The following SNAI2 variants were observed in gnomAD, a reference collection of about 807,000 sequenced individuals.
SNAI2 encodes the protein snail family transcriptional repressor 2.
In SNAI2, 2 loss-of-function variants were observed where a neutral mutation model predicts 22.4. The observed-to-expected ratio is 0.09, with a 90% CI of 0.04 to 0.28. The LOEUF (loss-of-function observed/expected upper bound fraction) is 0.28. SNAI2 is among the 10% of genes least tolerant of loss of function. The pLI is 1.00. For synonymous variants in SNAI2, 134 were observed against 123.0 expected, an observed-to-expected ratio of 1.09 and a Z score of -0.59; for missense variants, 239 against 320.8, an observed-to-expected ratio of 0.75 and a Z score of 1.95.
rs778082305 is a variant in SNAI2 at position 48,918,708 on chromosome 8, G to T, written c.*99C>A. 1.9e-5 allele frequency: 21 copies of T among 1,109,406 alleles called. No homozygotes were observed. The highest frequency in any genetic ancestry group is 8.6e-5 in the Admixed American group (5 of 58,358). The allele number at this position is 1,109,406 out of a possible 1,614,324, so 68.7% of individuals were successfully genotyped here. ...GTGTGTGTGTCTATACATATTATTT[G>T]GTTGGTCAGCACAGGAGAAAATGCC... On this transcript the variant is annotated 3_prime_UTR_variant, in exon 3 of 3. Coordinates refer to ENST00000020945, the MANE Select transcript of SNAI2 (RefSeq NM_003068.5).
chr8:48,919,891 C>A lies in SNAI2; in HGVS notation c.625+5G>T, dbSNP rs1454909580. 1.9e-6 allele frequency: 3 copies of A among 1,613,442 alleles called. No individual in the cohort carries two copies. Among genetic ancestry groups the A allele is most frequent in the South Asian group, 1.1e-5 (1 of 91,026 alleles). Reference sequence around the variant, plus strand: ...TAACATTCCTGCCTATGGTTTTTCTCTTACCCGTGTGAGTTCTAATGTGTC... The same window carrying A: ...TAACATTCCTGCCTATGGTTTTTCTATTACCCGTGTGAGTTCTAATGTGTC... On this transcript the variant is annotated splice_donor_5th_base_variant and intron_variant, in intron 2 of 2. Transcript: ENST00000020945.
Position 48,921,183 on chromosome 8 carries a change from T to C in SNAI2, c.79+4A>G, listed in dbSNP as rs1357364552. On this transcript the variant is annotated splice_donor_region_variant and intron_variant, in intron 1 of 2. Coordinates refer to ENST00000020945, the MANE Select transcript of SNAI2 (RefSeq NM_003068.5). ...TAGTTCTAGATATATTTTTCTCTTT[T>C]TACCTGTATGTGTGTCCAGTTCGCT... 1.9e-6 allele frequency: 3 copies of C among 1,607,166 alleles called. No homozygotes were observed. The Admixed American group carries it at 5.0e-5, about 27-fold the overall frequency.
In SNAI2 at chr8:48,921,308, C is replaced by T. The variant is rs767354084; in HGVS notation, c.-43G>A. The T allele has an allele frequency of 1.0e-5, 15 of 1,494,118 alleles. No homozygotes were observed. The highest frequency in any genetic ancestry group is 1.7e-4 in the Middle Eastern group (1 of 5,726). The allele number at this position is 1,494,118 out of a possible 1,614,324, so 92.6% of individuals were successfully genotyped here. On this transcript the variant is annotated 5_prime_UTR_variant, in exon 1 of 3. Coordinates refer to ENST00000020945, the MANE Select transcript of SNAI2 (RefSeq NM_003068.5). ...CGGGCGCCCGGCGCGGATAACGGTCCGGCGGGAGGACACGGCGGTCCCTAC... is the reference window on the plus strand; with the variant it reads ...CGGGCGCCCGGCGCGGATAACGGTCTGGCGGGAGGACACGGCGGTCCCTAC...
Position 48,918,118 on chromosome 8 carries a change from G to C in SNAI2, c.*689C>G, listed in dbSNP as rs1806104463. On this transcript the variant is annotated 3_prime_UTR_variant, in exon 3 of 3. Coordinates refer to ENST00000020945, the MANE Select transcript of SNAI2 (RefSeq NM_003068.5). ...TGTTTTAAAATAGTAAGACAATGGA[G>C]CATGCGCCAGGAATGTTCAAAGCTA... 6.6e-6 allele frequency: 1 copy of C among 152,172 alleles called. No individual in the cohort carries two copies. The highest frequency in any genetic ancestry group is 2.4e-5 in the African/African-American group (1 of 41,424). The allele number at this position is 152,172 out of a possible 1,614,324, so 9.4% of individuals were successfully genotyped here.
At chr8:48,919,060 T>A in intron 2 of SNAI2, 72 bp from the exon 3 acceptor site, 1 of 1,463,254 alleles carries the variant, frequency 6.8e-7, no homozygotes, top group Non-Finnish European at 9.4e-7. Flanking sequence ...AAAATCATGT[T>A]AACAAAAGTC....
At position 48,918,642 on chromosome 8, in the gene SNAI2, C is replaced by T; in HGVS notation, c.*165G>A. The T allele has an allele frequency of 4.5e-6, 3 of 662,808 alleles. No individual in the cohort carries two copies. The highest frequency in any genetic ancestry group is 8.0e-6 in the Non-Finnish European group (3 of 373,416). 41.1% of individuals were successfully genotyped at this position (662,808 alleles called of 1,614,324 possible). A position where few individuals can be genotyped will look rare whatever the true frequency, so the allele number is the denominator to read the frequency against. On this transcript the variant is annotated 3_prime_UTR_variant, in exon 3 of 3. Transcript: ENST00000020945. ...TAAACACATGAATTCCATGCTCTTG[C>T]AGCTCTCTCTCTGTGGGTGTGTGTG...
Position 48,920,382 on chromosome 8 carries a change from T to C in SNAI2, c.139A>G (p.Ile47Val). 1 of 1,613,974 alleles carries C rather than the reference T, an allele frequency of 6.2e-7. No homozygotes were observed. The highest frequency in any genetic ancestry group is 8.5e-7 in the Non-Finnish European group (1 of 1,179,960). The change falls in exon 2 of 3, where the codon ATC (isoleucine) becomes GTC (valine). Residue 47 changes from isoleucine to valine, a missense_variant. By Grantham distance (29) the Ile-to-Val change is conservative (BLOSUM62 3). This residue lies in a region of SNAI2 where 183 missense variants were observed against 190.4 expected (regional missense o/e 0.96). Transcript: ENST00000020945. The part of the protein sequence containing the change: ...YSMPVIPQPE[I>V]LSSGAYSPIT... Reference sequence around the variant, plus strand: ...GGGCTGTATGCTCCTGAGCTGAGGATCTCTGGTTGTGGTATGACAGGCATG... The same window carrying C: ...GGGCTGTATGCTCCTGAGCTGAGGACCTCTGGTTGTGGTATGACAGGCATG...
chr8:48,920,966 G>T (rs1806154222), intron 1 of SNAI2, among the ~76,000 whole-genome samples: 1 of 152,206 alleles, frequency 6.6e-6, no homozygotes, highest in African/African-American at 2.4e-5. Flanking sequence ...GAAGCTGCGA[G>T]ATTTGAATGA....
chr8:48,920,140 C>G lies in SNAI2; in HGVS notation c.381G>C (p.Lys127Asn). Residue 127 changes from lysine to asparagine, a missense_variant, in exon 2 of 3, where the codon AAG becomes AAC. Transcript: ENST00000020945. Reference sequence around the variant, plus strand: ...TCTTATTGCATAAATTGCACTGAAACTTTTCAGCTTCAATGGCATGGGGGT... The same window carrying G: ...TCTTATTGCATAAATTGCACTGAAAGTTTTCAGCTTCAATGGCATGGGGGT... ...LSDPHAIEAE[K>N]FQCNLCNKTY... 2 of 1,614,208 alleles carry G rather than the reference C, an allele frequency of 1.2e-6. No individual in the cohort carries two copies. The highest frequency in any genetic ancestry group is 1.7e-6 in the Non-Finnish European group (2 of 1,180,038).
Position 48,921,347 on chromosome 8 carries a change from G to A in SNAI2, c.-82C>T, listed in dbSNP as rs11544359. Reference sequence around the variant, plus strand: ...GGCGGTCCCTACAGCATCGCGGCGGGCCAGGCTCGGGCAGGGGCCGTGCTC... The same window carrying A: ...GGCGGTCCCTACAGCATCGCGGCGGACCAGGCTCGGGCAGGGGCCGTGCTC... On this transcript the variant is annotated 5_prime_UTR_variant, in exon 1 of 3. Coordinates refer to ENST00000020945, the MANE Select transcript of SNAI2 (RefSeq NM_003068.5). The A allele has an allele frequency of 3.6e-6, 4 of 1,106,360 alleles. No individual in the cohort carries two copies. The African/African-American group carries it at 6.1e-5, about 17-fold the overall frequency. 68.5% of individuals were successfully genotyped at this position (1,106,360 alleles called of 1,614,324 possible). A position where few individuals can be genotyped will look rare whatever the true frequency, so the allele number is the denominator to read the frequency against.
intron 2 of SNAI2, 28 bp from the exon 3 acceptor site, chr8:48,919,016 A>T: frequency 6.2e-7 from 1 of 1,603,902 alleles, no homozygotes; most frequent in Non-Finnish European, 8.5e-7. Flanking sequence ...GAAAAAAAGA[A>T]AGACAGTCAG....
In SNAI2 at chr8:48,918,660, T is replaced by TGG. The variant is rs919606370; in HGVS notation, c.*146_*147insCC. The TGG allele has an allele frequency of 5.1e-6, 2 of 394,110 alleles. No homozygotes were observed. Among genetic ancestry groups the TGG allele is most frequent in the African/African-American group, 4.2e-5 (2 of 48,132 alleles). 24.4% of individuals were successfully genotyped at this position (394,110 alleles called of 1,614,324 possible). A position where few individuals can be genotyped will look rare whatever the true frequency, so the allele number is the denominator to read the frequency against. ...GCTCTTGCAGCTCTCTCTCTGTGGG[T>TGG]GTGTGTGTGTGTGTGTGCATATGTG... On this transcript the variant is annotated 3_prime_UTR_variant, in exon 3 of 3. Transcript: ENST00000020945.
rs1168491394 is a variant in SNAI2, at chr8:48,920,107, T to C, written c.414A>G (p.Ser138=). Residue 138 remains serine, a synonymous_variant, in exon 2 of 3, where the codon TCA becomes TCG. Coordinates refer to ENST00000020945, the MANE Select transcript of SNAI2 (RefSeq NM_003068.5). ...FQCNLCNKTY[S]TFSGLAKHKQ... Reference sequence around the variant, plus strand: ...TATGTTTGGCCAGCCCAGAAAAAGTTGAATAGGTCTTATTGCATAAATTGC... The same window carrying C: ...TATGTTTGGCCAGCCCAGAAAAAGTCGAATAGGTCTTATTGCATAAATTGC... 1.2e-6 allele frequency: 2 copies of C among 1,614,096 alleles called. No homozygotes were observed. Among genetic ancestry groups the C allele is most frequent in the African/African-American group, 2.7e-5 (2 of 74,926 alleles).
chr8:48,919,511 A>G (rs995315435), intron 2 of SNAI2, among the ~76,000 whole-genome samples: 1 of 152,254 alleles, frequency 6.6e-6, no homozygotes, highest in Non-Finnish European at 1.5e-5. Flanking sequence ...GAATGTAACT[A>G]ACAGAAAACT....
chr8:48,920,437 A>G lies in SNAI2; in HGVS notation c.84T>C (p.Ile28=), dbSNP rs1806145612. ...AACTCTCATAGAGATACGGGGAAAT[A>G]ATCACTGGGAAAGAAAAGGGAGGGA... ...NYSELDTHTV[I]ISPYLYESYS... is the part of the protein sequence containing the mutation. Residue 28 remains isoleucine, a synonymous_variant, in exon 2 of 3, where the codon ATT becomes ATC. Transcript: ENST00000020945. The G allele has an allele frequency of 6.2e-7, 1 of 1,613,896 alleles. No homozygotes were observed. Among genetic ancestry groups the G allele is most frequent in the Non-Finnish European group, 8.5e-7 (1 of 1,179,792 alleles).
rs1318165161 is a variant in SNAI2 at position 48,919,004 on chromosome 8, G to A, written c.626-16C>T. 8 of 1,609,780 alleles carry A rather than the reference G, an allele frequency of 5.0e-6. No homozygotes were observed. Among genetic ancestry groups the A allele is most frequent in the Non-Finnish European group, 6.8e-6 (8 of 1,178,372 alleles). ...GGCTTCTCCCCTGGGGGTGGAGTGGGAGAAAAAAAGAAAGACAGTCAGTGT... is the reference window on the plus strand; with the variant it reads ...GGCTTCTCCCCTGGGGGTGGAGTGGAAGAAAAAAAGAAAGACAGTCAGTGT... On this transcript the variant is annotated splice_polypyrimidine_tract_variant and intron_variant, in intron 2 of 2. Coordinates refer to ENST00000020945, the MANE Select transcript of SNAI2 (RefSeq NM_003068.5).
In SNAI2 at chr8:48,920,003, GC is replaced by G; in HGVS notation, c.517del (p.Ala173ProfsTer2). 6.2e-7 allele frequency: 1 copy of G among 1,614,126 alleles called. No homozygotes were observed. The highest frequency in any genetic ancestry group is 8.5e-7 in the Non-Finnish European group (1 of 1,180,016). The part of the protein sequence containing the change: ...YCDKEYVSLG[A>X]LKMHIRTHTL... The stretch of plus-strand genomic sequence containing the variant: ...GTGGGTCCGAATATGCATCTTCAGG[GC>G]GCCCAGGCTCACATATTCCTTGTCA... On this transcript the variant is annotated frameshift_variant, in exon 2 of 3. Coordinates refer to ENST00000020945, the MANE Select transcript of SNAI2 (RefSeq NM_003068.5). LOFTEE classifies it high-confidence loss of function.
At position 48,920,384 on chromosome 8, in the gene SNAI2, T is replaced by C; in HGVS notation, c.137A>G (p.Glu46Gly). Reference protein sequence around the residue: ...SYSMPVIPQPEILSSGAYSPI... With the variant: ...SYSMPVIPQPGILSSGAYSPI... ...GCTGTATGCTCCTGAGCTGAGGATCTCTGGTTGTGGTATGACAGGCATGGA... is the reference window on the plus strand; with the variant it reads ...GCTGTATGCTCCTGAGCTGAGGATCCCTGGTTGTGGTATGACAGGCATGGA... Residue 46 changes from glutamate to glycine, a missense_variant, in exon 2 of 3, where the codon GAG becomes GGG. Physicochemically the swap from Glu to Gly is moderately conservative, Grantham distance 98. This residue lies in a region of SNAI2 where 183 missense variants were observed against 190.4 expected (regional missense o/e 0.96). Transcript: ENST00000020945. 1.2e-6 allele frequency: 2 copies of C among 1,614,094 alleles called. No homozygotes were observed. The highest frequency in any genetic ancestry group is 1.7e-6 in the Non-Finnish European group (2 of 1,179,992).
Position 48,920,087 on chromosome 8 carries a change from T to TTTTTA in SNAI2, c.433_434insTAAAA (p.Lys145IlefsTer27). On this transcript the variant is annotated frameshift_variant, in exon 2 of 3. Transcript: ENST00000020945. LOFTEE classifies it high-confidence loss of function. Reference sequence around the variant, plus strand: ...GGCATCGCAGTGCAGCTGCTTATGTTTGGCCAGCCCAGAAAAAGTTGAATA... The same window carrying TTTTTA: ...GGCATCGCAGTGCAGCTGCTTATGTTTTTTATGGCCAGCCCAGAAAAAGTTGAATA... The TTTTTA allele has an allele frequency of 6.2e-7, 1 of 1,614,204 alleles. No individual in the cohort carries two copies. Among genetic ancestry groups the TTTTTA allele is most frequent in the East Asian group, 2.2e-5 (1 of 44,886 alleles).
Sources: gnomAD v4.1 joint callset for allele counts (sites outside exome capture counted in the v4.1 genomes callset) on GRCh38, gnomAD v4.1.1 for gene constraint, gnomAD v4.1.1 regional missense constraint, MANE v1.5 for transcripts, NCBI Gene and HGNC (gene_info 2026-07-23, HGNC 2026-07-21) for gene names.